The following MAN1C1 variants were observed in gnomAD, a reference collection of about 807,000 sequenced individuals.
MAN1C1 encodes mannosidase alpha class 1C member 1, also known as mannosyl-oligosaccharide 1,2-alpha-mannosidase IC.
A neutral mutation model predicts 71.5 loss-of-function variants in MAN1C1; 49 were observed. The ratio of observed to expected loss-of-function variants is 0.69; its 90% CI spans 0.54 to 0.87. The LOEUF is 0.87. MAN1C1 is among the 40% of genes least tolerant of loss of function. The pLI is 0.00. For missense variants in MAN1C1, 743 were observed against 835.0 expected (o/e 0.89, Z 1.36); for synonymous variants, 352 against 343.7 (o/e 1.02, Z -0.27).
chr1:25,742,933 A>G (rs1363915324), intron 2 of MAN1C1, among the ~76,000 whole-genome samples: 1 of 152,184 alleles, frequency 6.6e-6, no homozygotes, highest in African/African-American at 2.4e-5. Context: ...TGCTATTTCA[A>G]GGTGAACTAA....
chr1:25,684,690 G>A (rs192920598), intron 1 of MAN1C1, among the ~76,000 whole-genome samples: 19 of 152,352 alleles, frequency 1.2e-4, no homozygotes, highest in East Asian at 3.9e-4. Context: ...TGGAAGAGAC[G>A]TCTCCTAAGC....
chr1:25,750,057 C>T (rs1025030000), intron 4 of MAN1C1, among the ~76,000 whole-genome samples: 2 of 152,210 alleles, frequency 1.3e-5, no homozygotes, highest in Non-Finnish European at 2.9e-5. Context: ...TCACTCCACA[C>T]CACCCTCACC....
intron 1 of MAN1C1, among the ~76,000 whole-genome samples, chr1:25,619,170 T>C (rs1286063506): frequency 2.0e-5 from 3 of 152,196 alleles, no homozygotes; most frequent in Non-Finnish European, 4.4e-5. Context: ...CTAAATATTC[T>C]GCTGGACCAC....
At chr1:25,623,454 T>TGG (rs3835658) in intron 1 of MAN1C1, among the ~76,000 whole-genome samples, 225 of 149,334 alleles carry the variant, frequency 1.5e-3, no homozygotes, top group African/African-American at 4.7e-3. Flanking sequence ...TTAGTGGTGG[T>TGG]GGGGGGGGGT....
At chr1:25,754,326 A>AG (rs1336303283) in intron 5 of MAN1C1, among the ~76,000 whole-genome samples, 1 of 152,186 alleles carries the variant, frequency 6.6e-6, no homozygotes, top group African/African-American at 2.4e-5. Flanking sequence ...GAGGGGAGGC[A>AG]GGGGCCCTGG....
chr1:25,707,051 C>G (rs927167713), intron 2 of MAN1C1, among the ~76,000 whole-genome samples: 1 of 152,164 alleles, frequency 6.6e-6, no homozygotes, highest in African/African-American at 2.4e-5. Flanking sequence ...TTATCTCTTC[C>G]CGATTTATCC....
chr1:25,739,761 G>T (rs2047033391), intron 2 of MAN1C1, among the ~76,000 whole-genome samples: 1 of 152,174 alleles, frequency 6.6e-6, no homozygotes, highest in South Asian at 2.1e-4. Flanking sequence ...GGGCAGCCTG[G>T]TGGGAGGGTC....
rs754244830 is a variant in MAN1C1, at chr1:25,758,556, A to T, written c.930-36A>T. The T allele has an allele frequency of 6.0e-6, 9 of 1,491,236 alleles. No individual in the cohort carries two copies. The Admixed American group carries it at 1.4e-4, about 24-fold the overall frequency. 92.4% of individuals were successfully genotyped at this position (1,491,236 alleles called of 1,614,324 possible). A position where few individuals can be genotyped will look rare whatever the true frequency, so the allele number is the denominator to read the frequency against. Reference sequence around the variant, plus strand: ...GTCAGCAGAGGAGCCAGCCTGGCCAAAGGGGGGATGACGGGGGCTGCTTCT... The same window carrying T: ...GTCAGCAGAGGAGCCAGCCTGGCCATAGGGGGGATGACGGGGGCTGCTTCT... On this transcript the variant is annotated intron_variant, in intron 5 of 11. Transcript: ENST00000374332.
chr1:25,630,886 T>C (rs2045368872), intron 1 of MAN1C1, among the ~76,000 whole-genome samples: 1 of 152,234 alleles, frequency 6.6e-6, no homozygotes, highest in African/African-American at 2.4e-5. Context: ...TTTCCCAATT[T>C]GGATGTCCTT....
At chr1:25,719,683 C>A (rs1173063157) in intron 2 of MAN1C1, among the ~76,000 whole-genome samples, 1 of 152,120 alleles carries the variant, frequency 6.6e-6, no homozygotes, top group African/African-American at 2.4e-5. Flanking sequence ...CTGCCTTGGC[C>A]TCCCAAAGTG....
At chr1:25,659,914 A>C (rs898319104) in intron 1 of MAN1C1, among the ~76,000 whole-genome samples, 28 of 152,206 alleles carry the variant, frequency 1.8e-4, no homozygotes, top group African/African-American at 6.0e-4. Context: ...ATCTATGTAT[A>C]ATGATATGTC....
At chr1:25,693,912 T>C (rs2046338104) in intron 2 of MAN1C1, among the ~76,000 whole-genome samples, 1 of 152,144 alleles carries the variant, frequency 6.6e-6, no homozygotes, top group Non-Finnish European at 1.5e-5. Context: ...TTAAAGAAAG[T>C]TGATGGGTGT....
At chr1:25,633,087 T>C (rs1235451281) in intron 1 of MAN1C1, among the ~76,000 whole-genome samples, 4 of 152,130 alleles carry the variant, frequency 2.6e-5, no homozygotes, top group Non-Finnish European at 5.9e-5. Context: ...AGGATGGTCT[T>C]GATCTCTGAC....
At chr1:25,627,550 C>T (rs996012473) in intron 1 of MAN1C1, among the ~76,000 whole-genome samples, 10 of 152,098 alleles carry the variant, frequency 6.6e-5, no homozygotes, top group African/African-American at 2.2e-4. Flanking sequence ...GCTGGGATTA[C>T]AGGCGTGAGC....
intron 1 of MAN1C1, among the ~76,000 whole-genome samples, chr1:25,652,213 C>T (rs2045702674): frequency 6.6e-6 from 1 of 152,224 alleles, no homozygotes; most frequent in Admixed American, 6.5e-5. Flanking sequence ...CCCTGAAGGC[C>T]TGTGTAGCTC....
intron 1 of MAN1C1, chr1:25,645,177 G>T (rs915528541): frequency 6.6e-6 from 1 of 152,344 alleles, no homozygotes; most frequent in Non-Finnish European, 1.5e-5. Flanking sequence ...CCTGGGCTTT[G>T]TTCCCTTGCT....
intron 2 of MAN1C1, among the ~76,000 whole-genome samples, chr1:25,700,308 C>G (rs1018016923): frequency 6.6e-6 from 1 of 152,234 alleles, no homozygotes; most frequent in Non-Finnish European, 1.5e-5. Context: ...TGCCTTCCTT[C>G]TAGCACGCAG....
chr1:25,729,637 G>A (rs1192465986), intron 2 of MAN1C1, among the ~76,000 whole-genome samples: 6 of 151,838 alleles, frequency 4.0e-5, no homozygotes, highest in Non-Finnish European at 7.4e-5. Flanking sequence ...TCAGCCTCCC[G>A]AGTAGCTGGG....
chr1:25,724,673 C>A (rs2046810364), intron 2 of MAN1C1, among the ~76,000 whole-genome samples: 1 of 152,164 alleles, frequency 6.6e-6, no homozygotes, highest in Admixed American at 6.5e-5. Flanking sequence ...ACCATTGGTG[C>A]AAACTCTACC....
Sources: allele counts gnomAD v4.1 joint callset (sites outside exome capture counted in the v4.1 genomes callset), GRCh38; gene constraint gnomAD v4.1.1; transcripts MANE v1.5; gene names NCBI Gene and HGNC (gene_info 2026-07-23, HGNC 2026-07-21).